FHIT: variants seen among roughly 807,000 people sequenced by gnomAD.
FHIT encodes the protein fragile histidine triad diadenosine triphosphatase, also known as bis(5'-adenosyl)-triphosphatase.
FHIT carries 19 observed loss-of-function variants against 17.9 expected under a neutral mutation model. That is an observed-to-expected ratio of 1.06 (90% CI 0.74 to 1.56). The LOEUF is 1.56. FHIT is among the 40% of genes most tolerant of loss of function. FHIT has a pLI of 0.00. For synonymous variants in FHIT, 81 were observed against 69.7 expected (o/e 1.16, Z -0.81); for missense variants, 248 against 189.2 (o/e 1.31, Z -1.82).
At position 59,748,876 on chromosome 3, in the gene FHIT, C is replaced by G. The variant is rs369610513; in HGVS notation, c.*709G>C. Among the ~76,000 whole-genome samples the G allele has an allele frequency of 6.5e-4, 99 of 152,236 alleles. No homozygotes were observed. The Middle Eastern group carries it at 0.01, about 16-fold the overall frequency. ...GGGTCTACATCTTATAAATTCTTAG[C>G]AAGTGTGTTGGCTAGTGTTATCAAT... On this transcript the variant is annotated 3_prime_UTR_variant, in exon 10 of 10. Coordinates refer to ENST00000492590, the MANE Select transcript of FHIT (RefSeq NM_002012.4).
At chr3:61,025,870 C>T (rs2032705475) in intron 3 of FHIT, among the ~76,000 whole-genome samples, 1 of 152,076 alleles carries the variant, frequency 6.6e-6, no homozygotes, top group Non-Finnish European at 1.5e-5. Context: ...GGCTGCTGTT[C>T]TCAAAAGAGC....
intron 7 of FHIT, among the ~76,000 whole-genome samples, chr3:59,933,692 T>C (rs1262285983): frequency 1.3e-5 from 2 of 152,158 alleles, no homozygotes; most frequent in Non-Finnish European, 2.9e-5. Context: ...CCTGCAGGTA[T>C]GAACAGGCCA....
chr3:60,445,555 A>C (rs186983146), intron 5 of FHIT, among the ~76,000 whole-genome samples: 1 of 152,160 alleles, frequency 6.6e-6, no homozygotes, highest in Non-Finnish European at 1.5e-5. Flanking sequence ...ACGAAGGCCT[A>C]TCTCATTCCT....
At chr3:59,898,639 T>A (rs967688112) in intron 8 of FHIT, among the ~76,000 whole-genome samples, 29 of 151,620 alleles carry the variant, frequency 1.9e-4, no homozygotes, top group Admixed American at 1.1e-3. Context: ...CTACAGAATC[T>A]TTTTTTTTCT....
intron 7 of FHIT, among the ~76,000 whole-genome samples, chr3:59,998,150 C>G (rs531672701): frequency 1.3e-5 from 2 of 152,196 alleles, no homozygotes; most frequent in African/African-American, 4.8e-5. Context: ...CTAAAGTGAG[C>G]TGAAAGATGA....
At position 60,090,929 on chromosome 3, in the gene FHIT, TAAGAAACACTG is replaced by T. The variant is rs1318819431; in HGVS notation, c.104-76788_104-76778del. 3.3e-5 allele frequency among the ~76,000 whole-genome samples: 5 copies of T among 152,286 alleles called. No homozygotes were observed. The South Asian group carries it at 6.2e-4, about 19-fold the overall frequency. Reference sequence around the variant, plus strand: ...AAGGAGCAAAGCAAGTTGAAGCAGGTAAGAAACACTGAATATGATTTCAAAACAGTTTCTCA... The same window carrying T: ...AAGGAGCAAAGCAAGTTGAAGCAGGTAATATGATTTCAAAACAGTTTCTCA... On this transcript the variant is annotated intron_variant, in intron 5 of 9. Transcript: ENST00000492590.
intron 3 of FHIT, among the ~76,000 whole-genome samples, chr3:60,990,712 A>G (rs2030125941): frequency 6.6e-6 from 1 of 152,232 alleles, no homozygotes; most frequent in Admixed American, 6.5e-5. Context: ...CGCGATTGCG[A>G]GCATCTTCCA....
At chr3:60,178,216 G>A (rs1701769389) in intron 5 of FHIT, among the ~76,000 whole-genome samples, 2 of 152,054 alleles carry the variant, frequency 1.3e-5, no homozygotes, top group African/African-American at 4.8e-5. Context: ...ATGACCTATG[G>A]CCAAGCCCCA....
chr3:59,852,711 C>G (rs930473049), intron 8 of FHIT, among the ~76,000 whole-genome samples: 3 of 152,190 alleles, frequency 2.0e-5, no homozygotes, highest in Admixed American at 2.0e-4. Flanking sequence ...TTGGCAACCA[C>G]TGATCTTTTT....
chr3:59,893,906 G>A (rs75483964), intron 8 of FHIT, among the ~76,000 whole-genome samples: 2,352 of 152,234 alleles, frequency 0.015, 55 homozygotes, highest in African/African-American at 0.045. Flanking sequence ...AGGAGTCCGA[G>A]GCCATATTTA....
chr3:60,627,195 T>C (rs1466228286), intron 4 of FHIT, among the ~76,000 whole-genome samples: 3 of 152,160 alleles, frequency 2.0e-5, no homozygotes, highest in Non-Finnish European at 2.9e-5. Flanking sequence ...ATTGGCCTCA[T>C]AGAATGTAGT....
chr3:59,823,196 C>CT (rs1700856029), intron 8 of FHIT, among the ~76,000 whole-genome samples: 1 of 152,076 alleles, frequency 6.6e-6, no homozygotes, highest in African/African-American at 2.4e-5. Flanking sequence ...TGACTATGGC[C>CT]TTATAGTATA....
At chr3:59,888,592 A>G (rs1240207754) in intron 8 of FHIT, among the ~76,000 whole-genome samples, 3 of 152,220 alleles carry the variant, frequency 2.0e-5, no homozygotes, top group Non-Finnish European at 4.4e-5. Flanking sequence ...TCTTTTAAAC[A>G]TTAGCTCTAT....
intron 8 of FHIT, among the ~76,000 whole-genome samples, chr3:59,753,145 T>C (rs902565290): frequency 6.6e-6 from 1 of 152,168 alleles, no homozygotes; most frequent in African/African-American, 2.4e-5. Context: ...TTAGACTCTC[T>C]TGCATGAGCT....
chr3:60,115,162 A>G (rs1178376960), intron 5 of FHIT, among the ~76,000 whole-genome samples: 1 of 152,180 alleles, frequency 6.6e-6, no homozygotes, highest in African/African-American at 2.4e-5. Context: ...TGACAAAGGA[A>G]AAAATGAAAC....
intron 4 of FHIT, among the ~76,000 whole-genome samples, chr3:60,793,892 G>A (rs1216066258): frequency 1.3e-5 from 2 of 152,150 alleles, no homozygotes; most frequent in African/African-American, 4.8e-5. Flanking sequence ...CATTGCCGAA[G>A]CAGCCATTGG....
At chr3:60,860,295 G>T (rs200963115) in intron 3 of FHIT, among the ~76,000 whole-genome samples, 98 of 54,676 alleles carry the variant, frequency 1.8e-3, no homozygotes, top group African/African-American at 4.0e-3. Flanking sequence ...GTATACATGA[G>T]ATACATCATA....
chr3:61,193,704 G>A (rs1048895994), intron 2 of FHIT, among the ~76,000 whole-genome samples: 2 of 152,140 alleles, frequency 1.3e-5, no homozygotes, highest in Admixed American at 6.6e-5. Flanking sequence ...TGCACACTCA[G>A]TTTGTATTTT....
chr3:60,883,358 G>GA (rs1184517615), intron 3 of FHIT, among the ~76,000 whole-genome samples: 6 of 152,004 alleles, frequency 3.9e-5, no homozygotes, highest in African/African-American at 9.7e-5. Context: ...CACAGGATTA[G>GA]AAAAAATCCT....
Sources: gnomAD v4.1 joint callset for allele counts (sites outside exome capture counted in the v4.1 genomes callset) on GRCh38, gnomAD v4.1.1 for gene constraint, MANE v1.5 for transcripts, NCBI Gene and HGNC (gene_info 2026-07-23, HGNC 2026-07-21) for gene names.